RNF38: variants seen among roughly 807,000 people sequenced by gnomAD.
RNF38 encodes E3 ubiquitin-protein ligase RNF38.
RNF38 carries 15 observed loss-of-function variants against 67.2 expected under a neutral mutation model. The ratio of observed to expected loss-of-function variants is 0.22; its 90% CI spans 0.15 to 0.34. The LOEUF is 0.34. Ranked by LOEUF, RNF38 falls within the 10% of genes least tolerant of loss-of-function variation. The pLI, the probability that RNF38 is intolerant of heterozygous loss-of-function variation, is 1.00. For missense variants in RNF38, 524 were observed against 639.9 expected (o/e 0.82, Z 1.95); for synonymous variants, 220 against 218.8 (o/e 1.01, Z -0.05).
At chr9:36,394,898 C>G (rs890234043) in intron 1 of RNF38, among the ~76,000 whole-genome samples, 2 of 152,164 alleles carry the variant, frequency 1.3e-5, no homozygotes, top group African/African-American at 4.8e-5. Context: ...AGGCTGGCAA[C>G]TTTTCAGCAT....
chr9:36,354,250 T>C (rs1301658213), intron 6 of RNF38, among the ~76,000 whole-genome samples: 2 of 152,308 alleles, frequency 1.3e-5, no homozygotes, highest in East Asian at 1.9e-4. Flanking sequence ...TGGAGTGCAG[T>C]GGCGCCATCT....
chr9:36,444,680 G>A (rs1839262134), intron 1 of RNF38, among the ~76,000 whole-genome samples: 1 of 152,038 alleles, frequency 6.6e-6, no homozygotes, highest in Admixed American at 6.6e-5. Flanking sequence ...CACACCTATA[G>A]TCCCAGCTAC....
At chr9:36,484,932 A>C (rs537501099) in intron 1 of RNF38, among the ~76,000 whole-genome samples, 81 of 152,136 alleles carry the variant, frequency 5.3e-4, no homozygotes, top group Middle Eastern at 3.4e-3. Flanking sequence ...TTTGGGAGGC[A>C]GAGGCGGGCA....
chr9:36,336,556 TC>T lies in RNF38; in HGVS notation c.*3195del. On this transcript the variant is annotated 3_prime_UTR_variant, in exon 12 of 12. Transcript: ENST00000259605. ...ACTTTGTTAAAAATTTATCAAGCCTTCAAATGATTTGGTTACAGATATTTAT... is the reference window on the plus strand; with the variant it reads ...ACTTTGTTAAAAATTTATCAAGCCTTAAATGATTTGGTTACAGATATTTAT... The T allele has an allele frequency of 6.6e-6, 1 of 152,602 alleles. No individual in the cohort carries two copies. The highest frequency in any genetic ancestry group is 1.5e-5 in the Non-Finnish European group (1 of 68,030). 9.5% of individuals were successfully genotyped at this position (152,602 alleles called of 1,614,324 possible).
intron 1 of RNF38, among the ~76,000 whole-genome samples, chr9:36,471,793 C>T (rs890145285): frequency 2.0e-5 from 3 of 152,162 alleles, no homozygotes; most frequent in African/African-American, 7.2e-5. Flanking sequence ...TGGAGTCTTG[C>T]TATGTTGCCT....
At chr9:36,453,301 A>G (rs1759395210) in intron 1 of RNF38, among the ~76,000 whole-genome samples, 1 of 151,978 alleles carries the variant, frequency 6.6e-6, no homozygotes, top group African/African-American at 2.4e-5. Flanking sequence ...GCAGCCTCAA[A>G]GTCCCAGAAC....
chr9:36,416,742 A>ATTTTTT (rs386414907), intron 2 of RNF38, among the ~76,000 whole-genome samples: 1,088 of 63,478 alleles, frequency 0.017, 256 homozygotes, highest in African/African-American at 0.046. Context: ...CTGCCTCGAT[A>ATTTTTT]TTTTTTTTTT....
chr9:36,338,341 T>TATA lies in RNF38; in HGVS notation c.*1408_*1410dup, dbSNP rs1447300160. On this transcript the variant is annotated 3_prime_UTR_variant, in exon 12 of 12. Coordinates refer to ENST00000259605, the MANE Select transcript of RNF38 (RefSeq NM_022781.5). ...TTTATACAAAAACCAAATCTTCATTTATACTGCAAGTATTCTGGACACCTG... is the reference window on the plus strand; with the variant it reads ...TTTATACAAAAACCAAATCTTCATTTATAATACTGCAAGTATTCTGGACACCTG... 6.6e-6 allele frequency: 1 copy of TATA among 152,246 alleles called. No individual in the cohort carries two copies. The highest frequency in any genetic ancestry group is 1.5e-5 in the Non-Finnish European group (1 of 68,034). The allele number at this position is 152,246 out of a possible 1,614,324, so 9.4% of individuals were successfully genotyped here. A position where few individuals can be genotyped will look rare whatever the true frequency, so the allele number is the denominator to read the frequency against.
At position 36,378,169 on chromosome 9, in the gene RNF38, CTTTTTTTT is replaced by C. The variant is rs35057784; in HGVS notation, c.163-2050_163-2043del. ...GTGAAACAGATTTGATTAACACTGA[CTTTTTTTT>C]TTTTTTTTTTTTTTTGTGAGACGGA... On this transcript the variant is annotated intron_variant, in intron 2 of 11. Coordinates refer to ENST00000259605, the MANE Select transcript of RNF38 (RefSeq NM_022781.5). 4.4e-5 allele frequency among the ~76,000 whole-genome samples: 5 copies of C among 114,872 alleles called. No individual in the cohort carries two copies. In the South Asian group the frequency reaches 8.7e-4, roughly 20 times the overall value. The allele number at this position is 114,872 out of a possible 152,430, so 75.4% of individuals were successfully genotyped here.
chr9:36,450,065 T>C (rs1839400029), intron 1 of RNF38, among the ~76,000 whole-genome samples: 1 of 152,234 alleles, frequency 6.6e-6, no homozygotes, highest in Non-Finnish European at 1.5e-5. Flanking sequence ...TTTTGTATTT[T>C]TTATTGTGGT....
intron 2 of RNF38, among the ~76,000 whole-genome samples, chr9:36,388,942 C>A (rs1398887727): frequency 6.6e-6 from 1 of 152,010 alleles, no homozygotes; most frequent in Non-Finnish European, 1.5e-5. Context: ...ATAACTGGAA[C>A]TAACAAATTA....
intron 2 of RNF38, among the ~76,000 whole-genome samples, chr9:36,379,484 C>G (rs1464334638): frequency 6.6e-6 from 1 of 152,096 alleles, no homozygotes; most frequent in East Asian, 1.9e-4. Context: ...GTACTCCAAT[C>G]ACACTATTAA....
At chr9:36,407,883 C>G (rs977809663) in intron 2 of RNF38, among the ~76,000 whole-genome samples, 10 of 152,124 alleles carry the variant, frequency 6.6e-5, no homozygotes, top group African/African-American at 2.2e-4. Flanking sequence ...TAGGGAGGAA[C>G]CATCTCTGTA....
intron 1 of RNF38, among the ~76,000 whole-genome samples, chr9:36,434,222 G>A (rs900933128): frequency 7.1e-5 from 10 of 141,048 alleles, no homozygotes; most frequent in African/African-American, 1.8e-4. Flanking sequence ...CCGACAGAGC[G>A]AGACTCTGCC....
chr9:36,433,511 G>A (rs760767642), intron 1 of RNF38, among the ~76,000 whole-genome samples: 16 of 151,762 alleles, frequency 1.1e-4, no homozygotes, highest in African/African-American at 3.1e-4. Flanking sequence ...AAGCCAAGAC[G>A]GGCAGATCAC....
At chr9:36,479,465 G>A (rs1377133656) in intron 1 of RNF38, among the ~76,000 whole-genome samples, 4 of 152,198 alleles carry the variant, frequency 2.6e-5, no homozygotes, top group Non-Finnish European at 2.9e-5. Flanking sequence ...TCCCATGTGG[G>A]GGTGGAGAGA....
intron 1 of RNF38, among the ~76,000 whole-genome samples, chr9:36,398,099 T>C (rs1388366726): frequency 1.3e-5 from 2 of 152,226 alleles, no homozygotes; most frequent in African/African-American, 4.8e-5. Context: ...CAAATAATTA[T>C]TGCTTGCCTG....
chr9:36,367,868 T>C (rs1835094940), intron 4 of RNF38, among the ~76,000 whole-genome samples: 1 of 152,254 alleles, frequency 6.6e-6, no homozygotes, highest in South Asian at 2.1e-4. Context: ...TTTTATTTTT[T>C]TGAGATGGAG....
chr9:36,458,423 T>C (rs1390189378), intron 1 of RNF38, among the ~76,000 whole-genome samples: 1 of 152,140 alleles, frequency 6.6e-6, no homozygotes, highest in Non-Finnish European at 1.5e-5. Flanking sequence ...GTTCTTTTGC[T>C]CTTCACAGTA....
Sources: allele counts gnomAD v4.1 joint callset (sites outside exome capture counted in the v4.1 genomes callset), GRCh38; gene constraint gnomAD v4.1.1; transcripts MANE v1.5; gene names NCBI Gene and HGNC (gene_info 2026-07-23, HGNC 2026-07-21).